Variants in RNASET2 observed in about 807,000 individuals in gnomAD.
RNASET2 encodes ribonuclease T2.
Under a neutral mutation model 33.9 loss-of-function variants are expected in RNASET2, and 28 were observed. The ratio of observed to expected loss-of-function variants is 0.83; its 90% CI spans 0.61 to 1.13. RNASET2 has a LOEUF of 1.13. Ranked by LOEUF, RNASET2 falls within the 50% of genes most tolerant of loss-of-function variation. RNASET2 has a pLI of 0.00. For missense variants in RNASET2, 330 were observed against 319.9 expected (o/e 1.03, Z -0.24); for synonymous variants, 123 against 121.0 (o/e 1.02, Z -0.11).
rs1362425214 is a variant in RNASET2 at position 166,939,003 on chromosome 6, T to G, written c.338A>C (p.His113Pro). The part of the protein sequence containing the change: ...SFPNRSRFWK[H>P]EWEKHGTCAA... ...GCAGGTCCCATGCTTTTCCCACTCA[T>G]GCTTCCTGTGAGGATTAGGAAAAAT... The change falls in exon 6 of 9, where the codon CAT (histidine) becomes CCT (proline). Residue 113 changes from histidine (H) to proline (P), a missense_variant. Coordinates refer to ENST00000508775, the MANE Select transcript of RNASET2 (RefSeq NM_003730.6). The G allele has an allele frequency of 6.2e-7, 1 of 1,611,234 alleles. No individual in the cohort carries two copies. The highest frequency in any genetic ancestry group is 8.5e-7 in the Non-Finnish European group (1 of 1,178,498).
At chr6:166,941,193 C>T (rs891795652) in intron 5 of RNASET2, among the ~76,000 whole-genome samples, 1 of 152,236 alleles carries the variant, frequency 6.6e-6, no homozygotes, top group Non-Finnish European at 1.5e-5. Context: ...TGTAATTCAA[C>T]TATCAACCTG....
intron 1 of RNASET2, among the ~76,000 whole-genome samples, chr6:166,955,221 GCGCACACACGCACGCA>G (rs1562506589): frequency 1.1e-5 from 1 of 93,996 alleles, no homozygotes; most frequent in Non-Finnish European, 2.1e-5. Flanking sequence ...ACGCACACAC[GCGCACACACGCACGCA>G]CGCACACACA....
chr6:166,946,898 A>C (rs569660637), intron 3 of RNASET2, 159 bp from the exon 4 acceptor site: 7 of 696,714 alleles, frequency 1.0e-5, no homozygotes, highest in Non-Finnish European at 1.1e-5. Context: ...TTAAGAAAGA[A>C]GATGCAGGTA....
At chr6:166,939,053 G>A in intron 5 of RNASET2, 45 bp from the exon 6 acceptor site, 1 of 1,398,014 alleles carries the variant, frequency 7.2e-7, no homozygotes, top group East Asian at 2.3e-5. Flanking sequence ...AGTGAAACAG[G>A]CTGCGTGCAG....
chr6:166,934,430 CA>C lies in RNASET2; in HGVS notation c.447-295del, dbSNP rs1778519308. 1.3e-5 allele frequency: 5 copies of C among 387,990 alleles called. No individual in the cohort carries two copies. In the South Asian group the frequency reaches 1.5e-4, roughly 11 times the overall value. 24.0% of individuals were successfully genotyped at this position (387,990 alleles called of 1,614,324 possible). On this transcript the variant is annotated intron_variant, in intron 6 of 8. Transcript: ENST00000508775. ...CACCACCGAGTGGAGCTGGCACACA[CA>C]TCACCACCCGTTTGCCACACCTGCT...
In RNASET2 at chr6:166,938,994, TC is replaced by T; in HGVS notation, c.346del (p.Glu116LysfsTer37). The T allele has an allele frequency of 6.2e-7, 1 of 1,612,908 alleles. No individual in the cohort carries two copies. Reference sequence around the variant, plus strand: ...CTGGGCGGCGCAGGTCCCATGCTTTTCCCACTCATGCTTCCTGTGAGGATTA... The same window carrying T: ...CTGGGCGGCGCAGGTCCCATGCTTTTCCACTCATGCTTCCTGTGAGGATTA... ...NRSRFWKHEW[E>X]KHGTCAAQVD... On this transcript the variant is annotated frameshift_variant, in exon 6 of 9. Coordinates refer to ENST00000508775, the MANE Select transcript of RNASET2 (RefSeq NM_003730.6). LOFTEE classifies it high-confidence loss of function.
At chr6:166,934,195 T>A in intron 6 of RNASET2, 59 bp from the exon 7 acceptor site, 1 of 1,069,556 alleles carries the variant, frequency 9.3e-7, no homozygotes, top group Non-Finnish European at 1.4e-6. Flanking sequence ...GCTTTCTTGT[T>A]CTTTTCAGGT....
chr6:166,923,126 T>TCA lies in RNASET2; in HGVS notation c.*6461_*6462insTG. ...TTTTGGAGATGGAGTCTCACTCTGT[T>TCA]GCCCAGGCTGGAGGGTGGAGCGCAG... On this transcript the variant is annotated 3_prime_UTR_variant, in exon 9 of 9. Transcript: ENST00000508775. 6.6e-6 allele frequency among the ~76,000 whole-genome samples: 1 copy of TCA among 152,180 alleles called. No individual in the cohort carries two copies. The highest frequency in any genetic ancestry group is 6.5e-5 in the Admixed American group (1 of 15,288).
intron 5 of RNASET2, among the ~76,000 whole-genome samples, chr6:166,940,551 CAG>C (rs1389224264): frequency 6.6e-6 from 1 of 152,084 alleles, no homozygotes; most frequent in Non-Finnish European, 1.5e-5. Flanking sequence ...TTCTATAAAA[CAG>C]GGGTAATTCT....
intron 6 of RNASET2, 174 bp from the exon 7 acceptor site, chr6:166,934,310 C>T (rs1372366835): frequency 1.6e-6 from 1 of 623,680 alleles, no homozygotes; most frequent in African/African-American, 1.8e-5. Flanking sequence ...GGTTCCCAGT[C>T]CCCGCCTTCC....
chr6:166,938,618 C>T (rs760590529), intron 6 of RNASET2: 18 of 692,478 alleles, frequency 2.6e-5, no homozygotes, highest in Non-Finnish European at 4.7e-5. Context: ...TTGGAGTCCT[C>T]GTTTTCCCTA....
Position 166,938,547 on chromosome 6 carries a change from A to C in RNASET2, c.446+348T>G, listed in dbSNP as rs781405663. 4 of 557,152 alleles carry C rather than the reference A, an allele frequency of 7.2e-6. No individual in the cohort carries two copies. In the African/African-American group the frequency reaches 7.5e-5, roughly 10 times the overall value. 34.5% of individuals were successfully genotyped at this position (557,152 alleles called of 1,614,324 possible). On this transcript the variant is annotated intron_variant, in intron 6 of 8. Transcript: ENST00000508775. The stretch of plus-strand genomic sequence containing the variant: ...TTCCAGAGTTTCCGTCTTTCTAAGG[A>C]AACGACTTATTAATGCACTATCCTT...
rs1381405318 is a variant in RNASET2, at chr6:166,955,241, ACACACACG to A, written c.86+848_86+855del. On this transcript the variant is annotated intron_variant, in intron 1 of 8. Transcript: ENST00000508775. ...CACACGCGCACACACGCACGCACGC[ACACACACG>A]CACACACGCACACACACACACGCGC... is the stretch of plus-strand genomic sequence containing the variant. Among the ~76,000 whole-genome samples, 328 of 122,542 alleles carry A rather than the reference ACACACACG, an allele frequency of 2.7e-3. 7 individuals carry two copies. The highest frequency in any genetic ancestry group is 4.3e-3 in the South Asian group (17 of 3,924). 80.4% of individuals were successfully genotyped at this position (122,542 alleles called of 152,430 possible).
Position 166,927,184 on chromosome 6 carries a change from A to G in RNASET2, c.*2404T>C, listed in dbSNP as rs1778320427. Among the ~76,000 whole-genome samples, 1 of 152,172 alleles carries G rather than the reference A, an allele frequency of 6.6e-6. No individual in the cohort carries two copies. Among genetic ancestry groups the G allele is most frequent in the Admixed American group, 6.5e-5 (1 of 15,280 alleles). ...AAACATGTGCTTGGATCTGATCTCC[A>G]TCACTGAACCTTAAACGCAGAGTCT... On this transcript the variant is annotated 3_prime_UTR_variant, in exon 9 of 9. Transcript: ENST00000508775.
Position 166,942,617 on chromosome 6 carries a change from A to AT in RNASET2, c.332+401dup, listed in dbSNP as rs536743861. ...ATACCACATCTAGCTGACCTTTTAA[A>AT]TTTTTGGTAGAGGTGGCATTTTGTC... On this transcript the variant is annotated intron_variant, in intron 5 of 8. Transcript: ENST00000508775. 1.4e-3 allele frequency among the ~76,000 whole-genome samples: 211 copies of AT among 151,254 alleles called. 1 individual carries two copies. Among genetic ancestry groups the AT allele is most frequent in the Admixed American group, 1.6e-3 (24 of 15,164 alleles).
At chr6:166,937,172 T>G (rs1200754082) in intron 6 of RNASET2, among the ~76,000 whole-genome samples, 1 of 152,194 alleles carries the variant, frequency 6.6e-6, no homozygotes, top group Non-Finnish European at 1.5e-5. Flanking sequence ...GTTTTGCTCT[T>G]TTCGCACAGG....
chr6:166,950,842 G>T (rs543560691), intron 2 of RNASET2, among the ~76,000 whole-genome samples: 1 of 152,224 alleles, frequency 6.6e-6, no homozygotes, highest in Non-Finnish European at 1.5e-5. Context: ...TCACTCACAG[G>T]ACATGTTAAT....
intron 5 of RNASET2, among the ~76,000 whole-genome samples, 187 bp downstream of exon 5, chr6:166,942,832 A>G (rs1354024597): frequency 1.3e-5 from 2 of 152,218 alleles, no homozygotes; most frequent in South Asian, 4.1e-4. Flanking sequence ...TTTTTTATAC[A>G]TTGGAGAAAG....
Position 166,956,260 on chromosome 6 carries a change from C to T in RNASET2, c.-78G>A. On this transcript the variant is annotated 5_prime_UTR_variant, in exon 1 of 9. Coordinates refer to ENST00000508775, the MANE Select transcript of RNASET2 (RefSeq NM_003730.6). ...CCACCTGCTGCCCGAGGAAGACTTC[C>T]GGGAGAAACGCTGTCTCCGAGCCCC... The T allele has an allele frequency of 1.5e-6, 2 of 1,335,098 alleles. No individual in the cohort carries two copies. Among genetic ancestry groups the T allele is most frequent in the South Asian group, 1.3e-5 (1 of 79,660 alleles). The allele number at this position is 1,335,098 out of a possible 1,614,324, so 82.7% of individuals were successfully genotyped here. A position where few individuals can be genotyped will look rare whatever the true frequency, so the allele number is the denominator to read the frequency against.
Sources: gnomAD v4.1 joint callset for allele counts (sites outside exome capture counted in the v4.1 genomes callset) on GRCh38, gnomAD v4.1.1 for gene constraint, MANE v1.5 for transcripts, NCBI Gene and HGNC (gene_info 2026-07-23, HGNC 2026-07-21) for gene names.